TENM4: variants seen among roughly 807,000 people sequenced by gnomAD.
TENM4 encodes teneurin transmembrane protein 4.
Under a neutral mutation model 243.3 loss-of-function variants are expected in TENM4, and 82 were observed. The ratio of observed to expected loss-of-function variants is 0.34; its 90% CI spans 0.28 to 0.40. TENM4 has a LOEUF of 0.40. Ranked by LOEUF, TENM4 falls within the 10% of genes least tolerant of loss-of-function variation. The pLI is 1.00. For missense variants in TENM4, 3,138 were observed against 3,673.3 expected (o/e 0.85, Z 3.77); for synonymous variants, 1,412 against 1,456.3 (o/e 0.97, Z 0.69).
Position 78,778,585 on chromosome 11 carries a change from A to G in TENM4, c.2392+17T>C, listed in dbSNP as rs1305081787. 1 of 1,610,636 alleles carries G rather than the reference A, an allele frequency of 6.2e-7. No homozygotes were observed. The highest frequency in any genetic ancestry group is 1.7e-5 in the Admixed American group (1 of 59,716). On this transcript the variant is annotated intron_variant, in intron 17 of 33. Coordinates refer to ENST00000278550, the MANE Select transcript of TENM4 (RefSeq NM_001098816.3). ...ACACACAAAGACAACAGGAAAATAG[A>G]GGAAGGAAGACCATACCTTTAACTA...
At chr11:78,958,054 A>C (rs1367859834) in intron 6 of TENM4, among the ~76,000 whole-genome samples, 1 of 152,222 alleles carries the variant, frequency 6.6e-6, no homozygotes. Context: ...ATGACCAATG[A>C]CTAATGGGCA....
chr11:78,750,510 T>C (rs886850173), intron 19 of TENM4, among the ~76,000 whole-genome samples: 1 of 152,252 alleles, frequency 6.6e-6, no homozygotes, highest in African/African-American at 2.4e-5. Flanking sequence ...TTGTCTACTC[T>C]AAGCCCGCCC....
chr11:78,771,207 C>A, intron 17 of TENM4, 69 bp from the exon 18 acceptor site: 6 of 1,526,694 alleles, frequency 3.9e-6, no homozygotes, highest in Non-Finnish European at 5.3e-6. Context: ...CACTAACACG[C>A]TACCTGCCAA....
At chr11:78,807,447 A>C (rs1024403249) in intron 14 of TENM4, among the ~76,000 whole-genome samples, 1 of 152,218 alleles carries the variant, frequency 6.6e-6, no homozygotes, top group African/African-American at 2.4e-5. Flanking sequence ...CAACAACATT[A>C]ACAGAGACCT....
chr11:79,347,818 A>G (rs1393860539), intron 1 of TENM4, among the ~76,000 whole-genome samples: 6 of 123,094 alleles, frequency 4.9e-5, no homozygotes, highest in East Asian at 4.8e-4. Flanking sequence ...TGTCGCCCAG[A>G]CCGGACTGCG....
intron 2 of TENM4, among the ~76,000 whole-genome samples, chr11:79,249,359 C>G (rs937176988): frequency 6.6e-6 from 1 of 152,224 alleles, no homozygotes; most frequent in Non-Finnish European, 1.5e-5. Flanking sequence ...AATTCCAAAT[C>G]TAGCCCATGC....
chr11:79,050,139 T>C (rs1359796720), intron 6 of TENM4, among the ~76,000 whole-genome samples: 1 of 152,198 alleles, frequency 6.6e-6, no homozygotes, highest in Admixed American at 6.5e-5. Flanking sequence ...TCATGACTTA[T>C]GAAATGTCAG....
chr11:79,249,884 G>A (rs1406590368), intron 2 of TENM4, among the ~76,000 whole-genome samples: 2 of 152,222 alleles, frequency 1.3e-5, no homozygotes, highest in Non-Finnish European at 2.9e-5. Flanking sequence ...GAGCTGAACA[G>A]GCAATTTCTA....
At chr11:79,415,950 C>T (rs1858803896) in intron 1 of TENM4, among the ~76,000 whole-genome samples, 1 of 151,770 alleles carries the variant, frequency 6.6e-6, no homozygotes, top group Admixed American at 6.6e-5. Flanking sequence ...ATAGATTACT[C>T]TGCAATTTGT....
chr11:78,818,830 T>C (rs1179600187), intron 12 of TENM4, among the ~76,000 whole-genome samples: 2 of 152,212 alleles, frequency 1.3e-5, no homozygotes, highest in African/African-American at 2.4e-5. Flanking sequence ...GGTGTGCCTT[T>C]AGATCTGCTT....
rs187589820 is a variant in TENM4, at chr11:79,335,418, T to C, written c.-320-37875A>G. Among the ~76,000 whole-genome samples the C allele has an allele frequency of 1.8e-4, 27 of 152,378 alleles. No homozygotes were observed. In the East Asian group the frequency reaches 2.1e-3, roughly 12 times the overall value. ...ACAGCTAGTTTGCTATAAGGCAGGT[T>C]GATTAGCATTGCGGAGAAGACATAA... On this transcript the variant is annotated intron_variant, in intron 1 of 33. Transcript: ENST00000278550.
chr11:79,124,480 C>T (rs779218093), intron 4 of TENM4, among the ~76,000 whole-genome samples: 1 of 152,152 alleles, frequency 6.6e-6, no homozygotes. Flanking sequence ...TCGGACTCCA[C>T]GTTCTTCAGT....
At chr11:78,696,143 G>A (rs1357766201) in intron 28 of TENM4, among the ~76,000 whole-genome samples, 2 of 151,692 alleles carry the variant, frequency 1.3e-5, no homozygotes, top group African/African-American at 2.4e-5. Flanking sequence ...TTCCTCAGCT[G>A]TGTCATGCTG....
At chr11:79,365,874 C>A (rs1162157712) in intron 1 of TENM4, among the ~76,000 whole-genome samples, 1 of 152,086 alleles carries the variant, frequency 6.6e-6, no homozygotes, top group Non-Finnish European at 1.5e-5. Context: ...TAGAAAAAAC[C>A]TGTGGTGGGG....
At chr11:78,710,854 C>A (rs1051031454) in intron 26 of TENM4, among the ~76,000 whole-genome samples, 1 of 152,012 alleles carries the variant, frequency 6.6e-6, no homozygotes, top group Admixed American at 6.6e-5. Flanking sequence ...TGGGGGGCCA[C>A]GAGGGCGGGG....
At chr11:78,833,979 A>G (rs552172242) in intron 12 of TENM4, among the ~76,000 whole-genome samples, 1 of 152,314 alleles carries the variant, frequency 6.6e-6, no homozygotes, top group East Asian at 1.9e-4. Context: ...AGTGACTTTG[A>G]AAAAGTTAAC....
rs1347853089 is a variant in TENM4, at chr11:78,814,318, A to G, written c.1759T>C (p.Phe587Leu). ...ISGTCHCFLG[F>L]LGPDCGRASC... is the part of the protein sequence containing the mutation. ...CCTCTGCCACAGTCGGGGCCCAGGA[A>G]ACCCAGGAAGCAGTGGCAGGTCCCA... Residue 587 changes from phenylalanine (F) to leucine (L), a missense_variant, in exon 13 of 34, where the codon TTC becomes CTC. Coordinates refer to ENST00000278550, the MANE Select transcript of TENM4 (RefSeq NM_001098816.3). 1 of 1,550,300 alleles carries G rather than the reference A, an allele frequency of 6.5e-7. No individual in the cohort carries two copies. Among genetic ancestry groups the G allele is most frequent in the Admixed American group, 2.0e-5 (1 of 50,798 alleles).
intron 6 of TENM4, among the ~76,000 whole-genome samples, chr11:78,995,484 G>T (rs1858149611): frequency 6.6e-6 from 1 of 152,066 alleles, no homozygotes; most frequent in Non-Finnish European, 1.5e-5. Flanking sequence ...CTTCTACCAG[G>T]AATTTGAAGG....
At chr11:78,862,791 A>C (rs1858856079) in intron 10 of TENM4, among the ~76,000 whole-genome samples, 171 bp downstream of exon 10, 1 of 152,222 alleles carries the variant, frequency 6.6e-6, no homozygotes, top group African/African-American at 2.4e-5. Context: ...ACTGCGATGA[A>C]GACACAGGTG....
Sources: gnomAD v4.1 joint callset for allele counts (sites outside exome capture counted in the v4.1 genomes callset) on GRCh38, gnomAD v4.1.1 for gene constraint, MANE v1.5 for transcripts, NCBI Gene and HGNC (gene_info 2026-07-23, HGNC 2026-07-21) for gene names.